CBL: variants seen among roughly 807,000 people sequenced by gnomAD.
CBL encodes the protein E3 ubiquitin-protein ligase CBL.
In CBL, 45 loss-of-function variants were observed where a neutral mutation model predicts 96.9. That is an observed-to-expected ratio of 0.46 (90% CI 0.37 to 0.60). CBL has a LOEUF of 0.60. Ranked by LOEUF, CBL falls within the 20% of genes least tolerant of loss-of-function variation. The pLI, the probability that CBL is intolerant of heterozygous loss-of-function variation, is 0.00. For synonymous variants in CBL, 420 were observed against 426.8 expected, an observed-to-expected ratio of 0.98 and a Z score of 0.20; for missense variants, 1,024 against 1,143.5, an observed-to-expected ratio of 0.90 and a Z score of 1.51.
At chr11:119,278,382 T>G in intron 8 of CBL, 85 bp downstream of exon 8, 1 of 1,557,534 alleles carries the variant, frequency 6.4e-7, no homozygotes, top group South Asian at 1.1e-5. Context: ...ATACAAGGGG[T>G]GGCCTGGCTT....
intron 12 of CBL, among the ~76,000 whole-genome samples, chr11:119,296,262 T>TC (rs1295722865): frequency 2.6e-5 from 4 of 152,128 alleles, no homozygotes; most frequent in Non-Finnish European, 5.9e-5. Context: ...TGTCTTTTTT[T>TC]CCCCCCTACA....
At chr11:119,250,088 G>A (rs993219663) in intron 2 of CBL, among the ~76,000 whole-genome samples, 2 of 151,906 alleles carry the variant, frequency 1.3e-5, no homozygotes, top group African/African-American at 2.4e-5. Flanking sequence ...GCCAGACATC[G>A]TTAATCTTAC....
rs753267578 is a variant in CBL, at chr11:119,278,515, A to G, written c.1233A>G (p.Ser411=). 39 of 1,613,810 alleles carry G rather than the reference A, an allele frequency of 2.4e-5. No homozygotes were observed. In the South Asian group the frequency reaches 4.0e-4, roughly 16 times the overall value. ...CTSCLTSWQE[S]EGQGCPFCRC... ...ATCTTTTGCTTCTTCTGCAGGAATC[A>G]GAAGGTCAGGGCTGTCCTTTCTGCC... Residue 411 remains serine (S), a synonymous_variant, in exon 9 of 16, where the codon TCA becomes TCG. Transcript: ENST00000264033.
At chr11:119,244,421 ATTT>A (rs10717493) in intron 2 of CBL, among the ~76,000 whole-genome samples, 35 of 146,582 alleles carry the variant, frequency 2.4e-4, no homozygotes, top group East Asian at 1.6e-3. Context: ...TTTTTAATTA[ATTT>A]TTTTTTTTTT....
intron 2 of CBL, among the ~76,000 whole-genome samples, chr11:119,266,344 A>G (rs563716593): frequency 7.2e-5 from 11 of 152,200 alleles, no homozygotes; most frequent in Non-Finnish European, 1.6e-4. Flanking sequence ...CTCATCATTC[A>G]TATAAAGGCC....
At position 119,301,177 on chromosome 11, in the gene CBL, C is replaced by T; in HGVS notation, c.*1396C>T. On this transcript the variant is annotated 3_prime_UTR_variant, in exon 16 of 16. Transcript: ENST00000264033. ...TCCCTTTTCCTCTTCACCTGAGGTC[C>T]TAAATACTCTCTGTAATTACTGTGT... 1 of 233,160 alleles carries T rather than the reference C, an allele frequency of 4.3e-6. No individual in the cohort carries two copies. Among genetic ancestry groups the T allele is most frequent in the East Asian group, 6.0e-5 (1 of 16,586 alleles). 14.4% of individuals were successfully genotyped at this position (233,160 alleles called of 1,614,324 possible).
chr11:119,302,255 G>A lies in CBL; in HGVS notation c.*2474G>A, dbSNP rs1006859132. 1 of 232,634 alleles carries A rather than the reference G, an allele frequency of 4.3e-6. No individual in the cohort carries two copies. Among genetic ancestry groups the A allele is most frequent in the Non-Finnish European group, 8.5e-6 (1 of 117,702 alleles). The allele number at this position is 232,634 out of a possible 1,614,324, so 14.4% of individuals were successfully genotyped here. ...ATGAGGATCTTTCCTTTGACTGGGT[G>A]CTGTGAGGACACACCTGGGTCTGTG... On this transcript the variant is annotated 3_prime_UTR_variant, in exon 16 of 16. Coordinates refer to ENST00000264033, the MANE Select transcript of CBL (RefSeq NM_005188.4).
Position 119,301,884 on chromosome 11 carries a change from CCTAGACAAAGAA to C in CBL, c.*2109_*2120del. The C allele has an allele frequency of 4.3e-6, 1 of 233,022 alleles. No homozygotes were observed. The allele number at this position is 233,022 out of a possible 1,614,324, so 14.4% of individuals were successfully genotyped here. Reference sequence around the variant, plus strand: ...TTGCATTTTGTTTAAATATTGAAGGCCTAGACAAAGAACTAGAAAAAAAAAAGCAGTTTCCAG... The same window carrying C: ...TTGCATTTTGTTTAAATATTGAAGGCCTAGAAAAAAAAAAGCAGTTTCCAG... On this transcript the variant is annotated 3_prime_UTR_variant, in exon 16 of 16. Coordinates refer to ENST00000264033, the MANE Select transcript of CBL (RefSeq NM_005188.4).
intron 1 of CBL, among the ~76,000 whole-genome samples, chr11:119,225,542 G>A (rs1357884382): frequency 6.6e-6 from 1 of 151,846 alleles, no homozygotes; most frequent in East Asian, 1.9e-4. Context: ...GGGACTACAG[G>A]CATGTGCACC....
intron 2 of CBL, among the ~76,000 whole-genome samples, chr11:119,271,110 CTT>C (rs1480730025): frequency 6.6e-6 from 1 of 152,136 alleles, no homozygotes; most frequent in Non-Finnish European, 1.5e-5. Flanking sequence ...TTAATTAAGA[CTT>C]ATTTATCTTT....
At chr11:119,222,879 T>C (rs1245093358) in intron 1 of CBL, among the ~76,000 whole-genome samples, 2 of 151,910 alleles carry the variant, frequency 1.3e-5, no homozygotes, top group South Asian at 4.1e-4. Context: ...ATATCGAGAG[T>C]ATCAAGAGCA....
chr11:119,277,112 T>C (rs1949894484), intron 6 of CBL, among the ~76,000 whole-genome samples: 1 of 151,998 alleles, frequency 6.6e-6, no homozygotes, highest in South Asian at 2.1e-4. Flanking sequence ...CCGGACGTGG[T>C]GGTGGGTGCC....
chr11:119,260,035 A>G (rs948575309), intron 2 of CBL, among the ~76,000 whole-genome samples: 1 of 152,126 alleles, frequency 6.6e-6, no homozygotes, highest in Non-Finnish European at 1.5e-5. Context: ...TTATTCACAA[A>G]TCTGTTTTCC....
Position 119,302,623 on chromosome 11 carries a change from A to C in CBL, c.*2842A>C, listed in dbSNP as rs1844142732. 1 of 231,296 alleles carries C rather than the reference A, an allele frequency of 4.3e-6. No homozygotes were observed. Among genetic ancestry groups the C allele is most frequent in the African/African-American group, 2.2e-5 (1 of 45,222 alleles). The allele number at this position is 231,296 out of a possible 1,614,324, so 14.3% of individuals were successfully genotyped here. A position where few individuals can be genotyped will look rare whatever the true frequency, so the allele number is the denominator to read the frequency against. Reference sequence around the variant, plus strand: ...AGTCTCATGCTTTCCCTGGGTCTTCACGGATTGCTTTCCAAGCTGCCTTGT... The same window carrying C: ...AGTCTCATGCTTTCCCTGGGTCTTCCCGGATTGCTTTCCAAGCTGCCTTGT... On this transcript the variant is annotated 3_prime_UTR_variant, in exon 16 of 16. Transcript: ENST00000264033.
In CBL at chr11:119,277,797, A is replaced by G. The variant is rs1300716485; in HGVS notation, c.1048A>G (p.Thr350Ala). The change falls in exon 7 of 16, where the codon ACT becomes GCT. Residue 350 changes from threonine to alanine, a missense_variant. Coordinates refer to ENST00000264033, the MANE Select transcript of CBL (RefSeq NM_005188.4). ...PDGRNQNPDL[T>A]GLCEPTPQDH... ...TGGACGAAATCAGAATCCTGATCTGACTGGCTTATGTGAACCAACTCCCCA... is the reference window on the plus strand; with the variant it reads ...TGGACGAAATCAGAATCCTGATCTGGCTGGCTTATGTGAACCAACTCCCCA... 1 of 1,613,948 alleles carries G rather than the reference A, an allele frequency of 6.2e-7. No individual in the cohort carries two copies. The highest frequency in any genetic ancestry group is 1.7e-5 in the Admixed American group (1 of 60,004).
intron 9 of CBL, among the ~76,000 whole-genome samples, chr11:119,281,964 T>C (rs975893070): frequency 3.3e-5 from 5 of 152,254 alleles, no homozygotes; most frequent in African/African-American, 1.2e-4. Context: ...TTGGAAATGT[T>C]TGTATTTCTC....
intron 2 of CBL, among the ~76,000 whole-genome samples, chr11:119,238,780 G>A (rs376945375): frequency 1.4e-4 from 22 of 152,132 alleles, no homozygotes; most frequent in African/African-American, 5.3e-4. Context: ...GCAGTGAGCC[G>A]AGATCAAGCC....
At chr11:119,291,771 C>T (rs1950028419) in intron 12 of CBL, among the ~76,000 whole-genome samples, 2 of 152,174 alleles carry the variant, frequency 1.3e-5, no homozygotes, top group African/African-American at 2.4e-5. Flanking sequence ...GCCTACAAAA[C>T]GTTTTCCCCT....
chr11:119,225,786 G>A (rs1336069921), intron 1 of CBL, among the ~76,000 whole-genome samples: 1 of 125,514 alleles, frequency 8.0e-6, no homozygotes, highest in Non-Finnish European at 1.6e-5. Flanking sequence ...AGAGTGCAAA[G>A]GTGCTACCTC....
Sources: gnomAD v4.1 joint callset for allele counts (sites outside exome capture counted in the v4.1 genomes callset) on GRCh38, gnomAD v4.1.1 for gene constraint, MANE v1.5 for transcripts, NCBI Gene and HGNC (gene_info 2026-07-23, HGNC 2026-07-21) for gene names.